Variants in RNF20 observed in about 807,000 individuals in gnomAD.
RNF20 encodes ring finger protein 20, also known as E3 ubiquitin-protein ligase BRE1A.
RNF20 carries 84 observed loss-of-function variants against 126.2 expected under a neutral mutation model. That is an observed-to-expected ratio of 0.67 (90% CI 0.56 to 0.80). The LOEUF (loss-of-function observed/expected upper bound fraction) is 0.80, where lower values mean the gene tolerates loss of function less well. RNF20 is among the 30% of genes least tolerant of loss of function. The pLI is 0.00. For missense variants in RNF20, 869 were observed against 1,188.2 expected, an observed-to-expected ratio of 0.73 and a Z score of 3.95; for synonymous variants, 400 against 414.3, an observed-to-expected ratio of 0.97 and a Z score of 0.42.
Position 101,540,506 on chromosome 9 carries a change from G to A in RNF20, c.314G>A (p.Arg105His), listed in dbSNP as rs762616554. 3.1e-6 allele frequency: 5 copies of A among 1,613,558 alleles called. No homozygotes were observed. Among genetic ancestry groups the A allele is most frequent in the African/African-American group, 1.3e-5 (1 of 74,784 alleles). ...CTTCTCCAGTTTGATGAAAACATCC[G>A]TATCATCCTTAAACGTTATGATCTG... The part of the protein sequence containing the change: ...RYWSQFDENI[R>H]IILKRYDLEQ... The change falls in exon 4 of 20, where the codon CGT becomes CAT. Residue 105 changes from arginine (R) to histidine (H), a missense_variant. Physicochemically the swap from Arg to His is conservative, Grantham distance 29. Around this residue, in one of 8 missense-constraint regions of RNF20, gnomAD observed 157 missense variants for 236.0 expected, o/e 0.67. Coordinates refer to ENST00000389120, the MANE Select transcript of RNF20 (RefSeq NM_019592.7).
chr9:101,561,010 C>T (rs1564113510), intron 17 of RNF20, 80 bp from the exon 18 acceptor site: 2 of 1,598,244 alleles, frequency 1.3e-6, no homozygotes, highest in South Asian at 2.2e-5. Context: ...CGCTTTATTC[C>T]TTCAACTTGG....
intron 18 of RNF20, 197 bp downstream of exon 18, chr9:101,561,427 G>A (rs1827627255): frequency 1.9e-6 from 1 of 537,730 alleles, no homozygotes; most frequent in Non-Finnish European, 3.3e-6. Context: ...CACCTAGTAG[G>A]CACAAAATAA....
chr9:101,540,739 T>C, intron 4 of RNF20, 54 bp from the exon 5 acceptor site: 1 of 1,592,782 alleles, frequency 6.3e-7, no homozygotes, highest in African/African-American at 1.4e-5. Context: ...ATGGATTTTG[T>C]TATTTCCAGT....
At chr9:101,552,107 G>C (rs778670757) in intron 11 of RNF20, 34 bp from the exon 12 acceptor site, 1 of 1,613,696 alleles carries the variant, frequency 6.2e-7, no homozygotes, top group Admixed American at 1.7e-5. Context: ...CCCTTACCAC[G>C]GTTCCTCATA....
In RNF20 at chr9:101,540,045, C is replaced by A; in HGVS notation, c.130-158C>A. 7 of 670,896 alleles carry A rather than the reference C, an allele frequency of 1.0e-5. No homozygotes were observed. The South Asian group carries it at 1.2e-4, about 12-fold the overall frequency. 41.6% of individuals were successfully genotyped at this position (670,896 alleles called of 1,614,324 possible). A position where few individuals can be genotyped will look rare whatever the true frequency, so the allele number is the denominator to read the frequency against. ...ACACCATCATATACCTGTTGTTTAT[C>A]TCTTCTGCTTCTACTTCTTAATTAC... is the stretch of plus-strand genomic sequence containing the variant. On this transcript the variant is annotated intron_variant, in intron 2 of 19. Transcript: ENST00000389120.
At chr9:101,547,276 A>C (rs1442775545) in intron 8 of RNF20, 62 bp downstream of exon 8, 1 of 1,593,312 alleles carries the variant, frequency 6.3e-7, no homozygotes, top group African/African-American at 1.3e-5. Flanking sequence ...TTAGGTACTT[A>C]GGACTGTGTT....
Position 101,543,343 on chromosome 9 carries a change from T to G in RNF20, c.629-1424T>G, listed in dbSNP as rs35521032. ...TTCCAGGGCGGCACTGTCTAACCCT[T>G]CCAGGGCGGCACTGTCTAACCCTGC... On this transcript the variant is annotated intron_variant, in intron 5 of 19. Coordinates refer to ENST00000389120, the MANE Select transcript of RNF20 (RefSeq NM_019592.7). Among the ~76,000 whole-genome samples the G allele has an allele frequency of 1.6e-3, 194 of 122,832 alleles. 3 individuals are homozygous for G. The highest frequency in any genetic ancestry group is 2.2e-4 in the Non-Finnish European group (13 of 59,814). 80.6% of individuals were successfully genotyped at this position (122,832 alleles called of 152,430 possible). A position where few individuals can be genotyped will look rare whatever the true frequency, so the allele number is the denominator to read the frequency against.
chr9:101,538,537 C>T (rs1827218082), intron 2 of RNF20, among the ~76,000 whole-genome samples: 1 of 152,106 alleles, frequency 6.6e-6, no homozygotes, highest in Non-Finnish European at 1.5e-5. Context: ...ATTCATCCCT[C>T]TCTGGCTTCA....
chr9:101,543,090 A>T (rs1422630573), intron 5 of RNF20, among the ~76,000 whole-genome samples: 1 of 152,178 alleles, frequency 6.6e-6, no homozygotes, highest in Middle Eastern at 3.2e-3. Context: ...AACACTATAC[A>T]GTCTTTTATA....
At chr9:101,548,735 A>G (rs1287678618) in intron 9 of RNF20, among the ~76,000 whole-genome samples, 1 of 152,224 alleles carries the variant, frequency 6.6e-6, no homozygotes, top group Non-Finnish European at 1.5e-5. Flanking sequence ...AGCAACATAC[A>G]AAGATATGTA....
chr9:101,558,122 G>A (rs2118737353), intron 16 of RNF20, among the ~76,000 whole-genome samples: 1 of 151,690 alleles, frequency 6.6e-6, no homozygotes, highest in East Asian at 1.9e-4. Context: ...AACCCAAGCA[G>A]TGTACATTGT....
chr9:101,547,110 A>C (rs773924251), intron 7 of RNF20, 27 bp from the exon 8 acceptor site: 2 of 1,610,620 alleles, frequency 1.2e-6, no homozygotes, highest in South Asian at 2.2e-5. Context: ...AGAGTCTCTC[A>C]CTAAAGAATC....
intron 6 of RNF20, among the ~76,000 whole-genome samples, chr9:101,546,356 TA>T (rs1564108828): frequency 6.6e-6 from 1 of 152,176 alleles, no homozygotes; most frequent in African/African-American, 2.4e-5. Context: ...GGGGTGAGCT[TA>T]AAAAAGAGTA....
rs1827466621 is a variant in RNF20 at position 101,552,595 on chromosome 9, AAG to A, written c.1747_1748del (p.Glu583ThrfsTer25). 6.3e-7 allele frequency: 1 copy of A among 1,581,562 alleles called. No individual in the cohort carries two copies. The highest frequency in any genetic ancestry group is 8.7e-7 in the Non-Finnish European group (1 of 1,150,460). On this transcript the variant is annotated frameshift_variant, in exon 13 of 20. Coordinates refer to ENST00000389120, the MANE Select transcript of RNF20 (RefSeq NM_019592.7). LOFTEE classifies it high-confidence loss of function. ...ERREKEREREREREKEKERER... is the reference protein window; with the variant it reads ...ERREKEREREXEREKEKERER... Reference sequence around the variant, plus strand: ...GGAGGGAGAAGGAGAGGGAACGAGAAAGAGAACGGGAGAAGGAGAAGGAGAGA... The same window carrying A: ...GGAGGGAGAAGGAGAGGGAACGAGAAAGAACGGGAGAAGGAGAAGGAGAGA...
chr9:101,541,933 A>C (rs1188692560), intron 5 of RNF20, among the ~76,000 whole-genome samples: 1 of 152,224 alleles, frequency 6.6e-6, no homozygotes, highest in Non-Finnish European at 1.5e-5. Flanking sequence ...TTACATCTTT[A>C]GTCATTTGTG....
intron 15 of RNF20, among the ~76,000 whole-genome samples, chr9:101,555,961 A>G (rs960880587): frequency 6.6e-6 from 1 of 151,642 alleles, no homozygotes; most frequent in Non-Finnish European, 1.5e-5. Context: ...TCCATCTCAA[A>G]AAAAAAAAAA....
Position 101,562,518 on chromosome 9 carries a change from A to G in RNF20, c.*96A>G. 8.4e-7 allele frequency: 1 copy of G among 1,194,704 alleles called. No homozygotes were observed. Among genetic ancestry groups the G allele is most frequent in the Non-Finnish European group, 1.2e-6 (1 of 863,300 alleles). 74.0% of individuals were successfully genotyped at this position (1,194,704 alleles called of 1,614,324 possible). A position where few individuals can be genotyped will look rare whatever the true frequency, so the allele number is the denominator to read the frequency against. Reference sequence around the variant, plus strand: ...TCTCTCCTTGACTGTCACCTGTAGGACAGTTTATCAGTCAACTACCTTTCC... The same window carrying G: ...TCTCTCCTTGACTGTCACCTGTAGGGCAGTTTATCAGTCAACTACCTTTCC... On this transcript the variant is annotated 3_prime_UTR_variant, in exon 20 of 20. Coordinates refer to ENST00000389120, the MANE Select transcript of RNF20 (RefSeq NM_019592.7).
rs924075168 is a variant in RNF20 at position 101,562,894 on chromosome 9, G to A, written c.*472G>A. 1.3e-5 allele frequency: 2 copies of A among 153,142 alleles called. No homozygotes were observed. Among genetic ancestry groups the A allele is most frequent in the African/African-American group, 4.8e-5 (2 of 41,470 alleles). 9.5% of individuals were successfully genotyped at this position (153,142 alleles called of 1,614,324 possible). ...TTTGTGTAGCAAACTTCTTGTGAAT[G>A]TGGATTACAAAATGGTATAATTGTG... On this transcript the variant is annotated 3_prime_UTR_variant, in exon 20 of 20. Transcript: ENST00000389120.
At chr9:101,545,525 G>C (rs1287830585) in intron 6 of RNF20, among the ~76,000 whole-genome samples, 9 of 152,184 alleles carry the variant, frequency 5.9e-5, no homozygotes, top group Admixed American at 5.2e-4. Flanking sequence ...TAGCTAGAAA[G>C]TGATTGAGCT....
Sources: allele counts gnomAD v4.1 joint callset (sites outside exome capture counted in the v4.1 genomes callset), GRCh38; gene constraint gnomAD v4.1.1; regional missense constraint gnomAD v4.1.1; transcripts MANE v1.5; gene names NCBI Gene and HGNC (gene_info 2026-07-23, HGNC 2026-07-21).